RBM39: variants seen among roughly 807,000 people sequenced by gnomAD.
RBM39 encodes the protein RNA binding motif protein 39.
In RBM39, 12 loss-of-function variants were observed where a neutral mutation model predicts 79.6. The ratio of observed to expected loss-of-function variants is 0.15; its 90% confidence interval spans 0.10 to 0.24. RBM39 has a LOEUF of 0.24. Among genes scored for constraint, RBM39 ranks in the 10% least tolerant of loss-of-function variants. RBM39 has a pLI of 1.00. For synonymous variants in RBM39, 185 were observed against 208.4 expected, an observed-to-expected ratio of 0.89 and a Z score of 0.97; for missense variants, 243 against 653.4, an observed-to-expected ratio of 0.37 and a Z score of 6.85.
At chr20:35,705,055 TTC>T in intron 15 of RBM39, 168 bp downstream of exon 15, 1 of 608,224 alleles carries the variant, frequency 1.6e-6, no homozygotes, top group Non-Finnish European at 2.9e-6. Flanking sequence ...GTTACTGATT[TTC>T]TTTTATTTTG....
intron 8 of RBM39, among the ~76,000 whole-genome samples, chr20:35,722,938 G>GAA (rs11479374): frequency 5.1e-5 from 5 of 97,604 alleles, no homozygotes; most frequent in Non-Finnish European, 6.8e-5. Flanking sequence ...CGTCTCAAGA[G>GAA]AAAAAAAAAA....
chr20:35,721,672 T>C (rs963283955), intron 9 of RBM39, 68 bp downstream of exon 9: 1 of 1,520,358 alleles, frequency 6.6e-7, no homozygotes. Context: ...AAGCAAGACA[T>C]ACAGAAATTA....
chr20:35,728,848 T>A (rs1600568570), intron 6 of RBM39, among the ~76,000 whole-genome samples: 1 of 151,702 alleles, frequency 6.6e-6, no homozygotes, highest in African/African-American at 2.4e-5. Context: ...GAGGCCAAGG[T>A]GGGTGGACCA....
At chr20:35,721,057 C>T (rs974372343) in intron 9 of RBM39, among the ~76,000 whole-genome samples, 1 of 152,120 alleles carries the variant, frequency 6.6e-6, no homozygotes, top group Non-Finnish European at 1.5e-5. Flanking sequence ...TCTGCTGCCT[C>T]GGCCTCCCGA....
Position 35,716,752 on chromosome 20 carries a change from A to G in RBM39, c.879T>C (p.Tyr293=). Residue 293 remains tyrosine (Y), a synonymous_variant, in exon 10 of 17, where the codon TAT becomes TAC. Coordinates refer to ENST00000253363, the MANE Select transcript of RBM39 (RefSeq NM_184234.3). ...MDSETGRSKG[Y]GFITFSDSEC... is the part of the protein sequence containing the mutation. ...GGTAATTACTTACTGTAATAAATCC[A>G]TATCCCTTGGATCGACCAGTTTCAC... 9 of 1,590,964 alleles carry G rather than the reference A, an allele frequency of 5.7e-6. No homozygotes were observed. The highest frequency in any genetic ancestry group is 7.7e-6 in the Non-Finnish European group (9 of 1,163,850).
Position 35,704,707 on chromosome 20 carries a change from T to C in RBM39, c.1453A>G (p.Ile485Val), listed in dbSNP as rs779513199. ...YVKCPSIAAA[I>V]AAVNALHGRW... ...CCATGCAATGCATTGACAGCAGCAA[T>C]AGCTGCAGCAATTGATGGGCACTTC... The change falls in exon 16 of 17, where the codon ATT becomes GTT. Residue 485 changes from isoleucine to valine, a missense_variant. Physicochemically the swap from Ile to Val is conservative, Grantham distance 29. Transcript: ENST00000253363. 1 of 1,613,946 alleles carries C rather than the reference T, an allele frequency of 6.2e-7. No individual in the cohort carries two copies. The highest frequency in any genetic ancestry group is 8.5e-7 in the Non-Finnish European group (1 of 1,179,998).
rs1426334770 is a variant in RBM39 at position 35,721,886 on chromosome 20, C to T, written c.688-9G>A. On this transcript the variant is annotated splice_polypyrimidine_tract_variant and intron_variant, in intron 8 of 16. Coordinates refer to ENST00000253363, the MANE Select transcript of RBM39 (RefSeq NM_184234.3). ...GCTCTGTTTTTTTCTGCCTAGAAGA[C>T]AAAATACACGTCACACAGAGATAAC... 1 of 1,612,094 alleles carries T rather than the reference C, an allele frequency of 6.2e-7. No homozygotes were observed. The highest frequency in any genetic ancestry group is 1.7e-5 in the Admixed American group (1 of 59,966).
chr20:35,714,102 T>C (rs992924536), intron 11 of RBM39, 83 bp downstream of exon 11: 65 of 1,363,134 alleles, frequency 4.8e-5, no homozygotes, highest in Non-Finnish European at 6.7e-5. Context: ...AAAATCTTTT[T>C]CCCTTTCTTA....
intron 6 of RBM39, among the ~76,000 whole-genome samples, chr20:35,727,227 T>C (rs899096484): frequency 2.0e-5 from 3 of 151,892 alleles, no homozygotes; most frequent in African/African-American, 7.3e-5. Flanking sequence ...GCTGCACCTA[T>C]AGTCCCAGCT....
intron 10 of RBM39, among the ~76,000 whole-genome samples, chr20:35,714,841 C>T (rs1487887694): frequency 2.0e-5 from 3 of 152,086 alleles, no homozygotes; most frequent in Non-Finnish European, 2.9e-5. Context: ...CAAATAAATA[C>T]ATAACTTGAT....
chr20:35,718,902 C>A (rs953579180), intron 9 of RBM39, among the ~76,000 whole-genome samples: 1 of 150,474 alleles, frequency 6.6e-6, no homozygotes, highest in Non-Finnish European at 1.5e-5. Context: ...ATTGCTTGAA[C>A]CTGGGAGGCA....
At chr20:35,736,495 G>A (rs2039921270) in intron 3 of RBM39, 1 of 430,090 alleles carries the variant, frequency 2.3e-6, no homozygotes, top group Non-Finnish European at 4.8e-6. Context: ...TCTGTTTTAT[G>A]AAATTTTATC....
At chr20:35,736,989 T>C (rs2039993228) in intron 3 of RBM39, among the ~76,000 whole-genome samples, 2 of 150,804 alleles carry the variant, frequency 1.3e-5, no homozygotes, top group South Asian at 2.1e-4. Context: ...GTTGGGTCCA[T>C]GTCTCACGCC....
At chr20:35,715,614 T>C (rs565539255) in intron 10 of RBM39, among the ~76,000 whole-genome samples, 3 of 152,332 alleles carry the variant, frequency 2.0e-5, no homozygotes, top group East Asian at 1.9e-4. Flanking sequence ...TTATCAGAGA[T>C]GAACGTATAA....
chr20:35,740,913 T>A (rs760236204), intron 1 of RBM39, 26 bp from the exon 2 acceptor site: 1 of 1,532,706 alleles, frequency 6.5e-7, no homozygotes, highest in South Asian at 1.2e-5. Context: ...GACAATTTCT[T>A]GAGTAAACAT....
rs1447734241 is a variant in RBM39, at chr20:35,705,335, A to G, written c.1308-5T>C. 8 of 1,525,482 alleles carry G rather than the reference A, an allele frequency of 5.2e-6. No homozygotes were observed. The East Asian group carries it at 1.4e-4, about 26-fold the overall frequency. 94.5% of individuals were successfully genotyped at this position (1,525,482 alleles called of 1,614,324 possible). On this transcript the variant is annotated splice_polypyrimidine_tract_variant and splice_region_variant and intron_variant, in intron 14 of 16. Coordinates refer to ENST00000253363, the MANE Select transcript of RBM39 (RefSeq NM_184234.3). Reference sequence around the variant, plus strand: ...TCCCATCCAACTTCTTCTTCTCTGTAAGAAAGTATTAAGGACTCTTAAATA... The same window carrying G: ...TCCCATCCAACTTCTTCTTCTCTGTGAGAAAGTATTAAGGACTCTTAAATA...
chr20:35,721,702 A>G (rs775142932), intron 9 of RBM39, 38 bp downstream of exon 9: 1 of 1,604,002 alleles, frequency 6.2e-7, no homozygotes, highest in South Asian at 1.1e-5. Context: ...ACTCAGATCA[A>G]CAACCTACTG....
chr20:35,735,439 A>T (rs1049498434), intron 3 of RBM39, among the ~76,000 whole-genome samples: 2 of 152,220 alleles, frequency 1.3e-5, no homozygotes, highest in African/African-American at 4.8e-5. Context: ...AGAATTATAC[A>T]ATTAAAAAAA....
At chr20:35,716,629 T>C in intron 10 of RBM39, 111 bp downstream of exon 10, 1 of 730,820 alleles carries the variant, frequency 1.4e-6, no homozygotes, top group South Asian at 1.7e-5. Context: ...TTTGGAAGGC[T>C]AAGGTGGGAC....
Sources: gnomAD v4.1 joint callset for allele counts (sites outside exome capture counted in the v4.1 genomes callset) on GRCh38, gnomAD v4.1.1 for gene constraint, MANE v1.5 for transcripts, NCBI Gene and HGNC (gene_info 2026-07-23, HGNC 2026-07-21) for gene names.